Variants in OTUD5 observed in about 807,000 individuals in gnomAD.
The protein encoded by OTUD5 is OTU deubiquitinase 5.
A neutral mutation model predicts 36.3 loss-of-function variants in OTUD5; 2 were observed. The observed-to-expected ratio is 0.06, with a 90% CI of 0.02 to 0.17. The LOEUF (loss-of-function observed/expected upper bound fraction) is 0.17, where lower values mean the gene tolerates loss of function less well. Among genes scored for constraint, OTUD5 ranks in the 10% least tolerant of loss-of-function variants. OTUD5 has a pLI of 1.00. For missense variants in OTUD5, 233 were observed against 512.3 expected (o/e 0.45, Z 5.26); for synonymous variants, 234 against 214.9 (o/e 1.09, Z -0.78).
At chrX:48,931,606 C>T (rs892383163) in intron 5 of OTUD5, among the ~76,000 whole-genome samples, 10 of 106,629 alleles carry the variant, frequency 9.4e-5, no homozygotes, top group Non-Finnish European at 1.7e-4. Flanking sequence ...TGGTGAAACC[C>T]CGTCTCTACT....
chrX:48,932,727 T>C (rs1353930455), intron 5 of OTUD5, among the ~76,000 whole-genome samples: 1 of 111,223 alleles, frequency 9.0e-6, no homozygotes, highest in Non-Finnish European at 1.9e-5. Flanking sequence ...AAGGATCACT[T>C]GAGCCCAAGA....
In OTUD5 at chrX:48,934,716, C is replaced by T; in HGVS notation, c.905G>A (p.Ser302Asn). 8.3e-7 allele frequency: 1 copy of T among 1,207,637 alleles called. No homozygotes were observed. ...CCTACCCACTGCAGAAGTACCTGTG[C>T]TGTACTGGTACACCTCCACAGGACG... ...YNRPVEVYQY[S>N]TEPINTFHGI... is the part of the protein sequence containing the mutation. The change falls in exon 4 of 9, where the codon AGC becomes AAC. Residue 302 changes from serine to asparagine, a missense_variant. Transcript: ENST00000376488.
At chrX:48,930,817 C>G (rs1350456099) in intron 5 of OTUD5, among the ~76,000 whole-genome samples, 2 of 110,918 alleles carry the variant, frequency 1.8e-5, no homozygotes, top group East Asian at 5.7e-4. Context: ...CAAAAAACAG[C>G]TGGGTGTGGT....
At chrX:48,942,297 G>GACACACAC (rs1396618587) in intron 2 of OTUD5, among the ~76,000 whole-genome samples, 1 of 44,016 alleles carries the variant, frequency 2.3e-5, no homozygotes, top group African/African-American at 1.0e-4. Flanking sequence ...CAGCTAGCTA[G>GACACACAC]ATACACACAC....
intron 2 of OTUD5, among the ~76,000 whole-genome samples, chrX:48,942,038 TC>T (rs2063932852): frequency 9.1e-6 from 1 of 110,281 alleles, no homozygotes; most frequent in Non-Finnish European, 1.9e-5. Context: ...GGTCAGCTCT[TC>T]CTGTAAGTAG....
Position 48,944,261 on chromosome X carries a change from G to T in OTUD5, c.617C>A (p.Ala206Asp). The T allele has an allele frequency of 3.3e-6, 4 of 1,201,570 alleles. No individual in the cohort carries two copies. Among genetic ancestry groups the T allele is most frequent in the Non-Finnish European group, 4.5e-6 (4 of 887,707 alleles). The change falls in exon 2 of 9, where the codon GCC becomes GAC. Residue 206 changes from alanine to aspartate, a missense_variant. Ala to Asp is a moderately radical substitution (Grantham distance 126). Coordinates refer to ENST00000376488, the MANE Select transcript of OTUD5 (RefSeq NM_001136157.2). Reference protein sequence around the residue: ...VEQQEHWFEKALRDKKGFIIK... With the variant: ...VEQQEHWFEKDLRDKKGFIIK... ...GATGAAGCCCTTCTTGTCTCGTAGG[G>T]CCTTTTCAAACCAATGCTCCTGCTG... is the stretch of plus-strand genomic sequence containing the variant.
At chrX:48,949,000 C>T (rs2064082963) in intron 1 of OTUD5, among the ~76,000 whole-genome samples, 1 of 111,478 alleles carries the variant, frequency 9.0e-6, no homozygotes, top group Non-Finnish European at 1.9e-5. Context: ...TCTAGCTCCA[C>T]CAATTATTAG....
At chrX:48,947,952 A>G (rs1474461966) in intron 1 of OTUD5, among the ~76,000 whole-genome samples, 1 of 112,181 alleles carries the variant, frequency 8.9e-6, no homozygotes, top group Non-Finnish European at 1.9e-5. Context: ...AGATGAACTC[A>G]TATTAACTGA....
At chrX:48,941,803 A>T (rs1484705008) in intron 2 of OTUD5, among the ~76,000 whole-genome samples, 1 of 111,779 alleles carries the variant, frequency 8.9e-6, no homozygotes, top group Non-Finnish European at 1.9e-5. Context: ...CGAGGCTGGA[A>T]ACGGGGGCAG....
intron 5 of OTUD5, among the ~76,000 whole-genome samples, chrX:48,929,371 G>A (rs1245457401): frequency 6.4e-5 from 7 of 109,190 alleles, no homozygotes; most frequent in Admixed American, 2.0e-4. Flanking sequence ...CTGGGTGACA[G>A]AGCAAGACTC....
chrX:48,940,308 G>T (rs2063899010), intron 2 of OTUD5: 1 of 113,825 alleles, frequency 8.8e-6, no homozygotes, highest in Non-Finnish European at 1.9e-5. Context: ...CTGGTGTACA[G>T]GAAATGGCCC....
chrX:48,925,371 T>C (rs1198556865), intron 6 of OTUD5, among the ~76,000 whole-genome samples: 1 of 109,939 alleles, frequency 9.1e-6, no homozygotes, highest in Non-Finnish European at 1.9e-5. Context: ...CAGATGCTTG[T>C]CTGCCCCGCC....
intron 2 of OTUD5, chrX:48,936,341 AT>A (rs1483050624): frequency 1.8e-5 from 2 of 111,564 alleles, no homozygotes; most frequent in Non-Finnish European, 3.8e-5. Flanking sequence ...CGCTCCTTCC[AT>A]CCTCGTCAGC....
At chrX:48,956,538 C>T (rs1476657298) in intron 1 of OTUD5, among the ~76,000 whole-genome samples, 1 of 111,533 alleles carries the variant, frequency 9.0e-6, no homozygotes, top group Non-Finnish European at 1.9e-5. Context: ...AGGTCTCCAC[C>T]TTATTTGACT....
At chrX:48,945,841 TTTTA>T (rs1422494679) in intron 1 of OTUD5, among the ~76,000 whole-genome samples, 1 of 110,589 alleles carries the variant, frequency 9.0e-6, no homozygotes, top group Non-Finnish European at 1.9e-5. Flanking sequence ...AATGCCTATT[TTTTA>T]ATTAAAAAAA....
intron 6 of OTUD5, 39 bp downstream of exon 6, chrX:48,925,808 G>A (rs1296754126): frequency 1.2e-5 from 13 of 1,104,907 alleles, no homozygotes; most frequent in Non-Finnish European, 1.6e-5. Flanking sequence ...GAGAAGTAAT[G>A]AGTTTTTGGC....
intron 1 of OTUD5, among the ~76,000 whole-genome samples, chrX:48,948,950 G>A (rs1569516184): frequency 8.9e-6 from 1 of 111,839 alleles, no homozygotes; most frequent in Non-Finnish European, 1.9e-5. Context: ...CCCAAGTGAA[G>A]TTGGAGCAGG....
intron 2 of OTUD5, among the ~76,000 whole-genome samples, chrX:48,935,938 C>CAAAA (rs3030315): frequency 2.7e-5 from 1 of 37,099 alleles, no homozygotes; most frequent in African/African-American, 9.7e-5. Flanking sequence ...GACTCTGTCT[C>CAAAA]AAAAAAAAAA....
intron 2 of OTUD5, among the ~76,000 whole-genome samples, chrX:48,938,681 C>T (rs781853559): frequency 2.8e-5 from 3 of 107,551 alleles, no homozygotes; most frequent in African/African-American, 1.0e-4. Context: ...GCAACAAGAG[C>T]GAAACTCTGT....
Sources: allele counts gnomAD v4.1 joint callset (sites outside exome capture counted in the v4.1 genomes callset), GRCh38; gene constraint gnomAD v4.1.1; transcripts MANE v1.5; gene names NCBI Gene and HGNC (gene_info 2026-07-23, HGNC 2026-07-21).